Variants in KNOP1 observed in about 807,000 individuals in gnomAD.
KNOP1 encodes the protein lysine rich nucleolar protein 1, also known as lysine-rich nucleolar protein 1.
Under a neutral mutation model 30.6 loss-of-function variants are expected in KNOP1, and 20 were observed. The ratio of observed to expected loss-of-function variants is 0.65; its 90% CI spans 0.46 to 0.95. KNOP1 has a LOEUF of 0.95. Ranked by LOEUF, KNOP1 falls within the 40% of genes least tolerant of loss-of-function variation. KNOP1 has a pLI of 0.00. For missense variants in KNOP1, 540 were observed against 562.0 expected (o/e 0.96, Z 0.40); for synonymous variants, 204 against 210.0 (o/e 0.97, Z 0.25).
chr16:19,717,743 G>T, intron 1 of KNOP1: 1 of 989,716 alleles, frequency 1.0e-6, no homozygotes, highest in Non-Finnish European at 1.2e-6. Flanking sequence ...GCAAGCTCCA[G>T]AGACTACAAT....
chr16:19,709,572 G>A (rs1252189210), intron 4 of KNOP1, among the ~76,000 whole-genome samples: 1 of 152,204 alleles, frequency 6.6e-6, no homozygotes, highest in African/African-American at 2.4e-5. Context: ...CGAGGCCTGT[G>A]GCCTGTAGCC....
chr16:19,717,474 T>A (rs950859172), intron 1 of KNOP1: 1 of 983,690 alleles, frequency 1.0e-6, no homozygotes, highest in African/African-American at 1.8e-5. Context: ...AATAGGGGAG[T>A]GGCCAAGAGA....
At chr16:19,710,609 G>A in intron 3 of KNOP1, 23 bp from the exon 4 acceptor site, 1 of 1,598,424 alleles carries the variant, frequency 6.3e-7, no homozygotes. Context: ...GATGACAGAA[G>A]AGGGCCGTCA....
chr16:19,715,352 A>G (rs1976977554), intron 1 of KNOP1: 1 of 242,062 alleles, frequency 4.1e-6, no homozygotes, highest in Admixed American at 5.4e-5. Context: ...TGTTGGAGGG[A>G]GTAAATGAGA....
Position 19,707,019 on chromosome 16 carries a change from G to GC in KNOP1, c.1267dup (p.Ala423GlyfsTer25), listed in dbSNP as rs750098991. 2 of 1,614,114 alleles carry GC rather than the reference G, an allele frequency of 1.2e-6. No individual in the cohort carries two copies. Among genetic ancestry groups the GC allele is most frequent in the South Asian group, 1.1e-5 (1 of 91,080 alleles). On this transcript the variant is annotated frameshift_variant, in exon 5 of 5. Transcript: ENST00000219837. LOFTEE classifies it high-confidence loss of function. ...TCCCCGGCTGTACTTCCAGCTCATG[G>GC]CCCGGTCGTAGTCCCGCTGCAGATT...
chr16:19,711,230 G>T, intron 3 of KNOP1, 142 bp downstream of exon 3: 1 of 775,612 alleles, frequency 1.3e-6, no homozygotes, highest in African/African-American at 1.7e-5. Context: ...CGGGAGGTGT[G>T]CGTTGGCAGC....
intron 1 of KNOP1, chr16:19,717,873 C>G (rs1229411085): frequency 7.6e-6 from 8 of 1,056,514 alleles, no homozygotes; most frequent in Non-Finnish European, 8.0e-6. Context: ...ACCAGCAGGA[C>G]GCGCGGGAGC....
At position 19,714,365 on chromosome 16, in the gene KNOP1, G is replaced by A; in HGVS notation, c.671C>T (p.Ala224Val). The change falls in exon 2 of 5, where the codon GCC becomes GTC. Residue 224 changes from alanine to valine, a missense_variant. Physicochemically the swap from Ala to Val is moderately conservative, Grantham distance 64. Coordinates refer to ENST00000219837, the MANE Select transcript of KNOP1 (RefSeq NM_001012991.3). ...KKKKIHQEGD[A>V]LPGHSKPSRS... ...GGAGGGCTTGGAGTGGCCTGGGAGG[G>A]CATCTCCCTCCTGGTGGATTTTTTT... is the stretch of plus-strand genomic sequence containing the variant. 2 of 1,613,902 alleles carry A rather than the reference G, an allele frequency of 1.2e-6. No homozygotes were observed. Among genetic ancestry groups the A allele is most frequent in the Non-Finnish European group, 1.7e-6 (2 of 1,179,948 alleles).
chr16:19,710,471 C>T lies in KNOP1; in HGVS notation c.1065+38G>A, dbSNP rs376978066. 113 of 1,604,774 alleles carry T rather than the reference C, an allele frequency of 7.0e-5. 1 individual carries two copies. The Middle Eastern group carries it at 1.1e-3, about 15-fold the overall frequency. ...CGAGGGGAAGCGTCGGGAGGCCGAG[C>T]GTGCCACCTCCTCGCAGAGCCCTAG... is the stretch of plus-strand genomic sequence containing the variant. On this transcript the variant is annotated intron_variant, in intron 4 of 4. Coordinates refer to ENST00000219837, the MANE Select transcript of KNOP1 (RefSeq NM_001012991.3).
At chr16:19,715,413 CTTTTTT>C (rs59694825) in intron 1 of KNOP1, 5 of 126,662 alleles carry the variant, frequency 3.9e-5, no homozygotes, top group Admixed American at 8.2e-5. Flanking sequence ...TTCTTTTTCT[CTTTTTT>C]TTTTTTTTTT....
At position 19,705,066 on chromosome 16, in the gene KNOP1, G is replaced by A. The variant is rs1567505094; in HGVS notation, c.*1844C>T. On this transcript the variant is annotated 3_prime_UTR_variant, in exon 5 of 5. Coordinates refer to ENST00000219837, the MANE Select transcript of KNOP1 (RefSeq NM_001012991.3). ...CATTGCCCAGCAATGGAGGCTTCTG[G>A]AAGTTTCCTTGAGACACAAAAAGGC... The A allele has an allele frequency of 4.7e-6, 2 of 426,860 alleles. No homozygotes were observed. The highest frequency in any genetic ancestry group is 9.5e-6 in the Non-Finnish European group (2 of 211,068). The allele number at this position is 426,860 out of a possible 1,614,324, so 26.4% of individuals were successfully genotyped here. A position where few individuals can be genotyped will look rare whatever the true frequency, so the allele number is the denominator to read the frequency against.
At chr16:19,715,193 C>A (rs978672747) in intron 1 of KNOP1, 156 bp from the exon 2 acceptor site, 3 of 536,330 alleles carry the variant, frequency 5.6e-6, no homozygotes, top group Non-Finnish European at 9.6e-6. Flanking sequence ...AAAAGAAATA[C>A]TACAGAAACA....
Position 19,702,741 on chromosome 16 carries a change from C to CCAA in KNOP1, c.*4166_*4168dup, listed in dbSNP as rs1415233555. 2 of 152,036 alleles carry CCAA rather than the reference C, an allele frequency of 1.3e-5. No homozygotes were observed. Among genetic ancestry groups the CCAA allele is most frequent in the African/African-American group, 4.8e-5 (2 of 41,374 alleles). 9.4% of individuals were successfully genotyped at this position (152,036 alleles called of 1,614,324 possible). Reference sequence around the variant, plus strand: ...GGTGCGGTGGCTCATGCCTGTAATACCAACACTTTGGGAGGCTGAGGTAGG... The same window carrying CCAA: ...GGTGCGGTGGCTCATGCCTGTAATACCAACAACACTTTGGGAGGCTGAGGTAGG... On this transcript the variant is annotated 3_prime_UTR_variant, in exon 5 of 5. Coordinates refer to ENST00000219837, the MANE Select transcript of KNOP1 (RefSeq NM_001012991.3).
In KNOP1 at chr16:19,712,921, C is replaced by A. The variant is rs543671545; in HGVS notation, c.918+1197G>T. ...GCCCTCCGGCTCACCTCAGGCCTCC[C>A]TCTCCCACTCCAGGCAGCCTGGCAG... On this transcript the variant is annotated intron_variant, in intron 2 of 4. Transcript: ENST00000219837. 2.0e-3 allele frequency among the ~76,000 whole-genome samples: 312 copies of A among 152,270 alleles called. 1 individual carries two copies. Among genetic ancestry groups the A allele is most frequent in the South Asian group, 4.8e-3 (23 of 4,808 alleles).
At position 19,714,391 on chromosome 16, in the gene KNOP1, TTTC is replaced by T. The variant is rs1976884272; in HGVS notation, c.642_644del (p.Lys217del). 5.6e-6 allele frequency: 9 copies of T among 1,613,890 alleles called. No individual in the cohort carries two copies. The highest frequency in any genetic ancestry group is 7.6e-6 in the Non-Finnish European group (9 of 1,180,002). On this transcript the variant is annotated inframe_deletion, in exon 2 of 5. Coordinates refer to ENST00000219837, the MANE Select transcript of KNOP1 (RefSeq NM_001012991.3). ...CATCTCCCTCCTGGTGGATTTTTTT[TTTC>T]TTCTTCACCTTCCCATTGTGTTCTC...
chr16:19,717,949 G>A (rs1203894320), intron 1 of KNOP1: 6 of 1,222,038 alleles, frequency 4.9e-6, no homozygotes, highest in East Asian at 1.1e-4. Flanking sequence ...CAGACTGGGA[G>A]GGATTACGTG....
intron 1 of KNOP1, 177 bp from the exon 2 acceptor site, chr16:19,715,214 T>G: frequency 2.0e-6 from 1 of 508,672 alleles, no homozygotes; most frequent in East Asian, 3.2e-5. Flanking sequence ...GCGTAAATTT[T>G]AAATCCACAC....
chr16:19,713,721 T>C (rs1976836128), intron 2 of KNOP1, among the ~76,000 whole-genome samples: 1 of 152,222 alleles, frequency 6.6e-6, no homozygotes, highest in South Asian at 2.1e-4. Context: ...CTACAGGCAC[T>C]ACGTTATCTC....
At chr16:19,716,155 C>T (rs1450577351) in intron 1 of KNOP1, among the ~76,000 whole-genome samples, 1 of 152,194 alleles carries the variant, frequency 6.6e-6, no homozygotes, top group Non-Finnish European at 1.5e-5. Flanking sequence ...AATAACTATA[C>T]TCATTCATTG....
Sources: allele counts gnomAD v4.1 joint callset (sites outside exome capture counted in the v4.1 genomes callset), GRCh38; gene constraint gnomAD v4.1.1; transcripts MANE v1.5; gene names NCBI Gene and HGNC (gene_info 2026-07-23, HGNC 2026-07-21).